Variants in RORA observed in about 807,000 individuals in gnomAD.
RORA encodes the protein nuclear receptor ROR-alpha.
RORA carries 7 observed loss-of-function variants against 69.5 expected under a neutral mutation model. The observed-to-expected ratio is 0.10, with a 90% CI of 0.06 to 0.19. The LOEUF is 0.19. RORA is among the 10% of genes least tolerant of loss of function. RORA has a pLI of 1.00. For synonymous variants in RORA, 261 were observed against 240.8 expected (o/e 1.08, Z -0.78); for missense variants, 457 against 663.0 (o/e 0.69, Z 3.41).
At chr15:60,574,509 T>C (rs751797294) in intron 2 of RORA, among the ~76,000 whole-genome samples, 10 of 152,334 alleles carry the variant, frequency 6.6e-5, no homozygotes, top group Middle Eastern at 3.4e-3. Flanking sequence ...TAAAATGCAA[T>C]GTGTACCGGC....
chr15:61,140,111 G>C (rs1467039045), intron 1 of RORA, among the ~76,000 whole-genome samples: 1 of 152,154 alleles, frequency 6.6e-6, no homozygotes, highest in Non-Finnish European at 1.5e-5. Flanking sequence ...TTTTTCGAGA[G>C]AGAAAAATTT....
intron 2 of RORA, among the ~76,000 whole-genome samples, chr15:60,559,093 A>G (rs1488066163): frequency 1.3e-5 from 2 of 152,152 alleles, no homozygotes; most frequent in Non-Finnish European, 2.9e-5. Flanking sequence ...AAATCAAATA[A>G]AGAACATTTA....
intron 1 of RORA, among the ~76,000 whole-genome samples, chr15:60,733,788 G>C (rs1180033115): frequency 1.3e-5 from 2 of 152,118 alleles, no homozygotes; most frequent in Non-Finnish European, 2.9e-5. Flanking sequence ...ACAAACGTGG[G>C]CAATGGCCTG....
chr15:60,898,519 A>ATAAC (rs556770711), intron 1 of RORA, among the ~76,000 whole-genome samples: 12,410 of 149,788 alleles, frequency 0.083, 600 homozygotes, highest in Non-Finnish European at 0.11. Flanking sequence ...AAATAAATAA[A>ATAAC]TAAATAAATA....
intron 1 of RORA, among the ~76,000 whole-genome samples, chr15:60,751,734 C>T (rs958759859): frequency 2.6e-5 from 4 of 152,114 alleles, no homozygotes; most frequent in Non-Finnish European, 5.9e-5. Flanking sequence ...AGCTTGGTGT[C>T]GCTATCCCTT....
chr15:60,733,563 C>T (rs2071457037), intron 1 of RORA, among the ~76,000 whole-genome samples: 2 of 151,934 alleles, frequency 1.3e-5, no homozygotes, highest in Non-Finnish European at 2.9e-5. Flanking sequence ...GAGGATATTC[C>T]CCATGAATAA....
intron 1 of RORA, among the ~76,000 whole-genome samples, chr15:60,850,421 T>C (rs1368249493): frequency 6.6e-6 from 1 of 152,146 alleles, no homozygotes; most frequent in African/African-American, 2.4e-5. Flanking sequence ...GGTCAGATGG[T>C]ACCCGATTCA....
At chr15:60,538,442 A>G (rs1442289607) in intron 2 of RORA, among the ~76,000 whole-genome samples, 2 of 152,216 alleles carry the variant, frequency 1.3e-5, no homozygotes, top group African/African-American at 2.4e-5. Flanking sequence ...AGCTTCAGGA[A>G]GCTTGCCACA....
intron 1 of RORA, among the ~76,000 whole-genome samples, chr15:60,959,384 T>A (rs181640027): frequency 4.8e-4 from 73 of 152,348 alleles, no homozygotes; most frequent in African/African-American, 1.7e-3. Flanking sequence ...AAGGGCTTAC[T>A]GGAGTCCTAG....
chr15:60,948,680 T>C (rs991112229), intron 1 of RORA, among the ~76,000 whole-genome samples: 4 of 152,188 alleles, frequency 2.6e-5, no homozygotes, highest in Admixed American at 2.6e-4. Context: ...GTGAAGATAA[T>C]AGAAATATTA....
At chr15:60,926,006 C>T (rs764766695) in intron 1 of RORA, among the ~76,000 whole-genome samples, 5 of 152,156 alleles carry the variant, frequency 3.3e-5, no homozygotes, top group Non-Finnish European at 5.9e-5. Context: ...TGATTGGAGG[C>T]ACCCCTGAAG....
chr15:61,133,517 C>A (rs531403771), intron 1 of RORA, among the ~76,000 whole-genome samples: 1 of 152,288 alleles, frequency 6.6e-6, no homozygotes, highest in African/African-American at 2.4e-5. Context: ...GAGTTGAGGG[C>A]TGATGGCTGA....
intron 1 of RORA, among the ~76,000 whole-genome samples, chr15:61,064,568 T>C (rs1352428463): frequency 6.6e-6 from 1 of 152,154 alleles, no homozygotes; most frequent in African/African-American, 2.4e-5. Context: ...ATTCTGCAGG[T>C]CTACTGTGGA....
chr15:60,708,020 T>C (rs1469326318), intron 1 of RORA, among the ~76,000 whole-genome samples: 4 of 152,214 alleles, frequency 2.6e-5, no homozygotes, highest in African/African-American at 9.7e-5. Context: ...TTTGTGGATG[T>C]ATGCTCAGCC....
chr15:61,173,598 G>T (rs954194114), intron 1 of RORA, among the ~76,000 whole-genome samples: 2 of 152,124 alleles, frequency 1.3e-5, no homozygotes, highest in Non-Finnish European at 2.9e-5. Context: ...TAAAAATATC[G>T]TCTGATGCTC....
intron 1 of RORA, among the ~76,000 whole-genome samples, chr15:60,980,531 T>C (rs1486076489): frequency 6.6e-6 from 1 of 152,116 alleles, no homozygotes; most frequent in Non-Finnish European, 1.5e-5. Flanking sequence ...TGTTAGAAGT[T>C]TTTTCTTGCT....
At chr15:61,104,634 T>C (rs74020850) in intron 1 of RORA, among the ~76,000 whole-genome samples, 15,073 of 152,076 alleles carry the variant, frequency 0.099, 868 homozygotes, top group Middle Eastern at 0.16. Flanking sequence ...TAGCCCACTC[T>C]CCCCCACTCT....
chr15:60,845,042 T>TGA (rs1434792327), intron 1 of RORA, among the ~76,000 whole-genome samples: 1 of 151,996 alleles, frequency 6.6e-6, no homozygotes, highest in Non-Finnish European at 1.5e-5. Flanking sequence ...TGTGAGTGTG[T>TGA]GTGTGTGTGT....
At position 61,219,026 on chromosome 15, in the gene RORA, A is replaced by C. The variant is rs2080068885; in HGVS notation, c.166+10027T>G. 2.0e-5 allele frequency among the ~76,000 whole-genome samples: 3 copies of C among 152,208 alleles called. No individual in the cohort carries two copies. In the South Asian group the frequency reaches 6.2e-4, roughly 32 times the overall value. ...GCTCAACTCTATACCTATTAATAGAAAGTAAAAATAGTTTTACTTTCCACT... is the reference window on the plus strand; with the variant it reads ...GCTCAACTCTATACCTATTAATAGACAGTAAAAATAGTTTTACTTTCCACT... On this transcript the variant is annotated intron_variant, in intron 1 of 10. Transcript: ENST00000335670.
Sources: allele counts gnomAD v4.1 joint callset (sites outside exome capture counted in the v4.1 genomes callset), GRCh38; gene constraint gnomAD v4.1.1; transcripts MANE v1.5; gene names NCBI Gene and HGNC (gene_info 2026-07-23, HGNC 2026-07-21).